RIC1: variants seen among roughly 807,000 people sequenced by gnomAD.
RIC1 encodes the protein RIC1 partner of RAB6A GEF complex.
Under a neutral mutation model 169.0 loss-of-function variants are expected in RIC1, and 88 were observed. That is an observed-to-expected ratio of 0.52 (90% CI 0.44 to 0.62). RIC1 has a LOEUF of 0.62. Among genes scored for constraint, RIC1 ranks in the 20% least tolerant of loss-of-function variants. RIC1 has a pLI of 0.00. For missense variants in RIC1, 1,877 were observed against 1,725.5 expected (o/e 1.09, Z -1.56); for synonymous variants, 790 against 601.5 (o/e 1.31, Z -4.59).
At chr9:5,764,628 A>T (rs1443236211) in intron 19 of RIC1, among the ~76,000 whole-genome samples, 2 of 152,202 alleles carry the variant, frequency 1.3e-5, no homozygotes, top group African/African-American at 4.8e-5. Context: ...CTTCATGACA[A>T]TGAACTGAAA....
chr9:5,666,104 C>T (rs982589441), intron 2 of RIC1, among the ~76,000 whole-genome samples: 4 of 152,132 alleles, frequency 2.6e-5, no homozygotes, highest in Non-Finnish European at 5.9e-5. Context: ...AATTAGAGCT[C>T]TGTCTAATTG....
chr9:5,670,384 C>T (rs1247988907), intron 2 of RIC1, among the ~76,000 whole-genome samples: 1 of 152,202 alleles, frequency 6.6e-6, no homozygotes, highest in Non-Finnish European at 1.5e-5. Context: ...TTCTGAACAG[C>T]CCTCCTACTA....
rs568560630 is a variant in RIC1 at position 5,710,121 on chromosome 9, T to C, written c.333-3775T>C. 2.0e-5 allele frequency among the ~76,000 whole-genome samples: 3 copies of C among 152,228 alleles called. No homozygotes were observed. The East Asian group carries it at 5.8e-4, about 29-fold the overall frequency. On this transcript the variant is annotated intron_variant, in intron 3 of 25. Coordinates refer to ENST00000414202, the MANE Select transcript of RIC1 (RefSeq NM_020829.4). ...AGGAAGAGCATCAAACTTGAGCGCT[T>C]AAGAACCTACAGGATACTGATAAAA...
At chr9:5,768,098 T>C (rs955853818) in intron 21 of RIC1, among the ~76,000 whole-genome samples, 1 of 152,208 alleles carries the variant, frequency 6.6e-6, no homozygotes, top group African/African-American at 2.4e-5. Flanking sequence ...CACCAGAGAC[T>C]AGGCTCTTTA....
Position 5,753,565 on chromosome 9 carries a change from T to A in RIC1, c.1521T>A (p.Asn507Lys). The A allele has an allele frequency of 6.2e-7, 1 of 1,610,096 alleles. No individual in the cohort carries two copies. The highest frequency in any genetic ancestry group is 1.3e-5 in the African/African-American group (1 of 74,738). The change falls in exon 14 of 26, where the codon AAT (asparagine) becomes AAA (lysine). Residue 507 changes from asparagine (N) to lysine (K), a missense_variant. By Grantham distance (94) the Asn-to-Lys change is moderately conservative. This residue lies in a region of RIC1 where 1,104 missense variants were observed against 992.0 expected (regional missense o/e 1.11). Transcript: ENST00000414202. ...RFSAIDKLGQ[N>K]IAVVGKFGFA... Reference sequence around the variant, plus strand: ...CAGCTATTGATAAGCTTGGACAGAATATTGCTGTGGTTGGCAAGTTTGGTT... The same window carrying A: ...CAGCTATTGATAAGCTTGGACAGAAAATTGCTGTGGTTGGCAAGTTTGGTT...
intron 3 of RIC1, among the ~76,000 whole-genome samples, chr9:5,710,668 C>G (rs1160196030): frequency 6.6e-6 from 1 of 152,050 alleles, no homozygotes; most frequent in East Asian, 1.9e-4. Context: ...AAAAAAGGAA[C>G]TTAAAGTAAA....
chr9:5,774,187 G>A lies in RIC1; in HGVS notation c.4213G>A (p.Ala1405Thr). The change falls in exon 26 of 26, where the codon GCC becomes ACC. Residue 1405 changes from alanine to threonine, a missense_variant. Transcript: ENST00000414202. ...NMVSRKEEDT[A>T]QAEEEEPFQD... ...GGTCAGCCGGAAAGAGGAGGACACAGCCCAAGCAGAGGAGGAAGAACCTTT... is the reference window on the plus strand; with the variant it reads ...GGTCAGCCGGAAAGAGGAGGACACAACCCAAGCAGAGGAGGAAGAACCTTT... 1 of 1,613,980 alleles carries A rather than the reference G, an allele frequency of 6.2e-7. No individual in the cohort carries two copies.
intron 17 of RIC1, among the ~76,000 whole-genome samples, chr9:5,758,722 C>CTTTTTTTTTTTTTTTTTTTTTTTTT (rs754931692): frequency 1.1e-4 from 11 of 98,420 alleles, no homozygotes; most frequent in African/African-American, 1.2e-4. Flanking sequence ...GGTCTCCCTT[C>CTTTTTTTTTTTTTTTTTTTTTTTTT]TTTTTTTTTT....
intron 2 of RIC1, among the ~76,000 whole-genome samples, chr9:5,657,828 TTAAA>T (rs1819191517): frequency 6.6e-6 from 1 of 152,240 alleles, no homozygotes; most frequent in Non-Finnish European, 1.5e-5. Context: ...TTTTACATAT[TTAAA>T]TAATCAAAAC....
intron 2 of RIC1, among the ~76,000 whole-genome samples, chr9:5,671,864 G>A (rs1243563816): frequency 1.3e-5 from 2 of 152,208 alleles, no homozygotes; most frequent in Non-Finnish European, 2.9e-5. Context: ...AAGGCACTGA[G>A]ACAGGATCTG....
At chr9:5,651,857 C>T (rs1048829564) in intron 1 of RIC1, among the ~76,000 whole-genome samples, 6 of 152,044 alleles carry the variant, frequency 3.9e-5, no homozygotes, top group African/African-American at 1.4e-4. Context: ...CATGAGCCAC[C>T]GCACCTAGCC....
At chr9:5,661,445 A>G (rs533562473) in intron 2 of RIC1, among the ~76,000 whole-genome samples, 184 of 152,264 alleles carry the variant, frequency 1.2e-3, no homozygotes, top group Non-Finnish European at 1.8e-3. Flanking sequence ...TTTTCACAAT[A>G]TTGACTCTTC....
chr9:5,641,511 C>T (rs1818245561), intron 1 of RIC1, among the ~76,000 whole-genome samples: 1 of 152,148 alleles, frequency 6.6e-6, no homozygotes, highest in Non-Finnish European at 1.5e-5. Flanking sequence ...AATGAACTTT[C>T]TACTCCGGTC....
At chr9:5,729,540 T>C (rs1284155557) in intron 6 of RIC1, among the ~76,000 whole-genome samples, 2 of 152,182 alleles carry the variant, frequency 1.3e-5, no homozygotes, top group Non-Finnish European at 2.9e-5. Flanking sequence ...CTCCTATTAT[T>C]TTTGTCTTTG....
rs552118752 is a variant in RIC1, at chr9:5,762,473, T to C, written c.1993-68T>C. 2.4e-5 allele frequency: 38 copies of C among 1,571,770 alleles called. No homozygotes were observed. In the Admixed American group the frequency reaches 3.8e-4, roughly 16 times the overall value. ...TTGTTTGACCTATAAACCTTATGGA[T>C]TGGGGGGAGATGCGGAAAGCATACC... On this transcript the variant is annotated intron_variant, in intron 17 of 25. Coordinates refer to ENST00000414202, the MANE Select transcript of RIC1 (RefSeq NM_020829.4).
At chr9:5,777,839 T>C (rs577982736), downstream of RIC1, among the ~76,000 whole-genome samples, 30 of 152,314 alleles carry the variant, frequency 2.0e-4, no homozygotes, top group Middle Eastern at 6.8e-3. Context: ...AATATCTTCT[T>C]ATGCCAATAC....
At chr9:5,680,120 T>TC (rs1310936445) in intron 2 of RIC1, among the ~76,000 whole-genome samples, 1 of 152,216 alleles carries the variant, frequency 6.6e-6, no homozygotes, top group Non-Finnish European at 1.5e-5. Flanking sequence ...TGTCTTTGGC[T>TC]CTGTTTATAT....
chr9:5,757,653 G>A (rs1291808138), intron 17 of RIC1, among the ~76,000 whole-genome samples: 1 of 152,232 alleles, frequency 6.6e-6, no homozygotes, highest in African/African-American at 2.4e-5. Context: ...ATAATGAATT[G>A]TTCCTGTTAC....
chr9:5,743,083 C>A, intron 9 of RIC1, 70 bp downstream of exon 9: 1 of 1,450,438 alleles, frequency 6.9e-7, no homozygotes, highest in South Asian at 1.3e-5. Flanking sequence ...ATACAAAAAC[C>A]TTGTGTCAGA....
Sources: gnomAD v4.1 joint callset for allele counts (sites outside exome capture counted in the v4.1 genomes callset) on GRCh38, gnomAD v4.1.1 for gene constraint, gnomAD v4.1.1 regional missense constraint, MANE v1.5 for transcripts, NCBI Gene and HGNC (gene_info 2026-07-23, HGNC 2026-07-21) for gene names.